Variants in HABP2 observed in about 807,000 individuals in gnomAD.
HABP2 encodes factor VII-activating protease.
In HABP2, 65 loss-of-function variants were observed where a neutral mutation model predicts 66.5. The ratio of observed to expected loss-of-function variants is 0.98; its 90% confidence interval spans 0.80 to 1.20. The LOEUF is 1.20. HABP2 is among the 50% of genes most tolerant of loss of function. The pLI is 0.00. For missense variants in HABP2, 786 were observed against 691.0 expected (o/e 1.14, Z -1.54); for synonymous variants, 263 against 253.9 (o/e 1.04, Z -0.34).
intron 1 of HABP2, among the ~76,000 whole-genome samples, chr10:113,558,853 T>TGGA (rs1485163254): frequency 2.0e-5 from 3 of 151,980 alleles, no homozygotes; most frequent in African/African-American, 7.2e-5. Flanking sequence ...CACTTGCTTG[T>TGGA]CTTAATTTTT....
rs1023865351 is a variant in HABP2 at position 113,588,729 on chromosome 10, A to G, written c.*360A>G. 1.8e-6 allele frequency: 1 copy of G among 554,696 alleles called. No individual in the cohort carries two copies. Among genetic ancestry groups the G allele is most frequent in the Non-Finnish European group, 3.2e-6 (1 of 315,014 alleles). 34.4% of individuals were successfully genotyped at this position (554,696 alleles called of 1,614,324 possible). ...ATCCCCAGCATCAGCGGGAACCACC[A>G]TCACATCTTTATTCCTCAGCCCAGA... On this transcript the variant is annotated 3_prime_UTR_variant, in exon 13 of 13. Transcript: ENST00000351270.
chr10:113,580,740 A>C (rs1489373902), intron 8 of HABP2, 48 bp downstream of exon 8: 1 of 927,314 alleles, frequency 1.1e-6, no homozygotes, highest in African/African-American at 1.6e-5. Flanking sequence ...GGGGATGGAG[A>C]TTTGTAGGGA....
Position 113,577,243 on chromosome 10 carries a change from A to C in HABP2, c.425A>C (p.Tyr142Ser), listed in dbSNP as rs1019140569. The C allele has an allele frequency of 1.2e-5, 19 of 1,602,110 alleles. No homozygotes were observed. The highest frequency in any genetic ancestry group is 1.5e-5 in the Non-Finnish European group (17 of 1,169,146). Reference protein sequence around the residue: ...PYYRCVCKHPYTGPSCSQVVP... With the variant: ...PYYRCVCKHPSTGPSCSQVVP... ...TACCGCTGTGTCTGTAAACACCCTT[A>C]CACAGGTCCCAGCTGCTCCCAAGGT... The change falls in exon 5 of 13, where the codon TAC becomes TCC. Residue 142 changes from tyrosine (Y) to serine (S), a missense_variant. By Grantham distance (144) the Tyr-to-Ser change is moderately radical. Transcript: ENST00000351270.
intron 7 of HABP2, 68 bp downstream of exon 7, chr10:113,578,866 A>G: frequency 2.9e-6 from 3 of 1,035,072 alleles, no homozygotes; most frequent in Non-Finnish European, 4.5e-6. Flanking sequence ...ATTGAAATTC[A>G]TCAGCCTCCT....
intron 1 of HABP2, among the ~76,000 whole-genome samples, chr10:113,558,214 A>G (rs1259097329): frequency 6.6e-6 from 1 of 152,230 alleles, no homozygotes; most frequent in Admixed American, 6.5e-5. Flanking sequence ...CTTGCCGGCT[A>G]GCAAACCAGT....
chr10:113,587,232 G>A (rs1306537251), intron 12 of HABP2, among the ~76,000 whole-genome samples: 5 of 152,140 alleles, frequency 3.3e-5, no homozygotes, highest in South Asian at 2.1e-4. Context: ...CAGGAGAATC[G>A]CTTGGACGTG....
At position 113,584,307 on chromosome 10, in the gene HABP2, TGA is replaced by T. The variant is rs1210599806; in HGVS notation, c.1372+26_1372+27del. On this transcript the variant is annotated intron_variant, in intron 11 of 12. Coordinates refer to ENST00000351270, the MANE Select transcript of HABP2 (RefSeq NM_004132.5). ...GGTGAGTCGGCCATGCACTCTCCCA[TGA>T]CTTAGGTGAACTACATCAACCAGAG... 6.2e-6 allele frequency: 10 copies of T among 1,608,596 alleles called. No homozygotes were observed. In the East Asian group the frequency reaches 2.2e-4, roughly 36 times the overall value.
intron 2 of HABP2, among the ~76,000 whole-genome samples, chr10:113,567,794 G>T (rs150007488): frequency 6.6e-6 from 1 of 152,192 alleles, no homozygotes; most frequent in Non-Finnish European, 1.5e-5. Context: ...ATTTTATAAA[G>T]AACTGAGGCC....
At chr10:113,566,672 G>A (rs1468512702) in intron 1 of HABP2, among the ~76,000 whole-genome samples, 2 of 152,192 alleles carry the variant, frequency 1.3e-5, no homozygotes, top group East Asian at 1.9e-4. Context: ...GAATAAGCGG[G>A]TGCAGTGACA....
In HABP2 at chr10:113,588,871, G is replaced by T; in HGVS notation, c.*502G>T. The T allele has an allele frequency of 1.3e-6, 1 of 773,894 alleles. No homozygotes were observed. 47.9% of individuals were successfully genotyped at this position (773,894 alleles called of 1,614,324 possible). A position where few individuals can be genotyped will look rare whatever the true frequency, so the allele number is the denominator to read the frequency against. ...ATTTTAATAAAGGAAGATCTGGGAT[G>T]GGCTGGTGGGCCATTCCAGCTTGCC... On this transcript the variant is annotated 3_prime_UTR_variant, in exon 13 of 13. Coordinates refer to ENST00000351270, the MANE Select transcript of HABP2 (RefSeq NM_004132.5).
At chr10:113,551,923 C>T (rs529367529), upstream of HABP2, among the ~76,000 whole-genome samples, 64 of 151,708 alleles carry the variant, frequency 4.2e-4, no homozygotes, top group South Asian at 8.4e-4. Flanking sequence ...TTGATGGCTG[C>T]CTAAAATAGG....
At chr10:113,568,598 C>T (rs1244728958) in intron 2 of HABP2, among the ~76,000 whole-genome samples, 1 of 152,216 alleles carries the variant, frequency 6.6e-6, no homozygotes, top group Non-Finnish European at 1.5e-5. Context: ...TATTCAACGA[C>T]ACATAGTTCA....
chr10:113,587,720 AC>A (rs1272771536), intron 12 of HABP2, among the ~76,000 whole-genome samples: 5 of 152,238 alleles, frequency 3.3e-5, no homozygotes, highest in Non-Finnish European at 7.4e-5. Flanking sequence ...CTTCACAAGA[AC>A]CCTGGGGGAT....
chr10:113,583,429 A>C (rs923771823), intron 10 of HABP2, 71 bp downstream of exon 10: 6 of 1,408,152 alleles, frequency 4.3e-6, no homozygotes, highest in Non-Finnish European at 6.0e-6. Flanking sequence ...AGAAAGCTGA[A>C]GTTTGGTTCT....
intron 3 of HABP2, 126 bp from the exon 4 acceptor site, chr10:113,575,771 C>T (rs2133770137): frequency 1.5e-6 from 1 of 669,624 alleles, no homozygotes; most frequent in Non-Finnish European, 2.7e-6. Context: ...CTCCTTTCCC[C>T]AGTTTCTGGC....
chr10:113,560,791 C>G (rs747217407), intron 1 of HABP2, among the ~76,000 whole-genome samples: 1 of 152,148 alleles, frequency 6.6e-6, no homozygotes, highest in South Asian at 2.1e-4. Context: ...TGTAGGATTC[C>G]GCTTCCATGA....
At position 113,580,649 on chromosome 10, in the gene HABP2, G is replaced by A; in HGVS notation, c.795G>A (p.Lys265=). 2 of 1,603,700 alleles carry A rather than the reference G, an allele frequency of 1.2e-6. No homozygotes were observed. Among genetic ancestry groups the A allele is most frequent in the Non-Finnish European group, 1.7e-6 (2 of 1,170,580 alleles). The change falls in exon 8 of 13, where the codon AAG becomes AAA. Residue 265 remains lysine (K), a synonymous_variant. Transcript: ENST00000351270. ...PWCFIKVTND[K]VKWEYCDVSA... Reference sequence around the variant, plus strand: ...GCTTTATTAAAGTTACCAATGACAAGGTGAAATGGGAATACTGTGATGTCT... The same window carrying A: ...GCTTTATTAAAGTTACCAATGACAAAGTGAAATGGGAATACTGTGATGTCT...
intron 1 of HABP2, among the ~76,000 whole-genome samples, chr10:113,559,742 G>T (rs1463551234): frequency 6.6e-6 from 1 of 152,192 alleles, no homozygotes. Context: ...GTAACAAATG[G>T]GACTCTTCTC....
rs888158593 is a variant in HABP2 at position 113,588,720 on chromosome 10, G to A, written c.*351G>A. The A allele has an allele frequency of 4.0e-5, 22 of 548,862 alleles. No individual in the cohort carries two copies. The highest frequency in any genetic ancestry group is 3.2e-4 in the African/African-American group (17 of 53,084). The allele number at this position is 548,862 out of a possible 1,614,324, so 34.0% of individuals were successfully genotyped here. ...GACTCCAGAATCCCCAGCATCAGCG[G>A]GAACCACCATCACATCTTTATTCCT... is the stretch of plus-strand genomic sequence containing the variant. On this transcript the variant is annotated 3_prime_UTR_variant, in exon 13 of 13. Coordinates refer to ENST00000351270, the MANE Select transcript of HABP2 (RefSeq NM_004132.5).
Sources: gnomAD v4.1 joint callset for allele counts (sites outside exome capture counted in the v4.1 genomes callset) on GRCh38, gnomAD v4.1.1 for gene constraint, MANE v1.5 for transcripts, NCBI Gene and HGNC (gene_info 2026-07-23, HGNC 2026-07-21) for gene names.